Variants in CSMD1 observed in about 807,000 individuals in gnomAD.
CSMD1 encodes CUB and sushi domain-containing protein 1.
In CSMD1, 213 loss-of-function variants were observed where a neutral mutation model predicts 417.5. That is an observed-to-expected ratio of 0.51 (90% CI 0.46 to 0.57). CSMD1 has a LOEUF of 0.57. CSMD1 is among the 20% of genes least tolerant of loss of function. The probability of loss-of-function intolerance (pLI) is 0.00; values close to 1 mark genes in which losing one functional copy is unlikely to be tolerated. For missense variants in CSMD1, 6,923 were observed against 4,529.7 expected (o/e 1.53, Z -15.17); for synonymous variants, 2,862 against 1,736.8 (o/e 1.65, Z -16.11).
At chr8:3,325,298 G>C (rs973099008) in intron 23 of CSMD1, among the ~76,000 whole-genome samples, 1 of 152,166 alleles carries the variant, frequency 6.6e-6, no homozygotes, top group Non-Finnish European at 1.5e-5. Flanking sequence ...ATTACCCCTA[G>C]AGAAGAATGG....
rs73501587 is a variant in CSMD1, at chr8:3,506,743, C to T, written c.1345-13017G>A. ...CAATGATTGACTGTATAGGAGATTT[C>T]GAGATAATTCAACAAGGTTGCTCAT... On this transcript the variant is annotated intron_variant, in intron 10 of 69. Coordinates refer to ENST00000635120, the MANE Select transcript of CSMD1 (RefSeq NM_033225.6). 4.2e-3 allele frequency among the ~76,000 whole-genome samples: 633 copies of T among 152,264 alleles called. 4 individuals are homozygous for T. Among genetic ancestry groups the T allele is most frequent in the African/African-American group, 0.015 (614 of 41,550 alleles).
chr8:3,246,195 C>T (rs1016480315), intron 26 of CSMD1, among the ~76,000 whole-genome samples: 2 of 152,072 alleles, frequency 1.3e-5, no homozygotes, highest in South Asian at 2.1e-4. Flanking sequence ...CTGCTGGTCC[C>T]GTGGGATCAG....
intron 2 of CSMD1, among the ~76,000 whole-genome samples, chr8:4,485,016 A>G (rs975178818): frequency 4.6e-5 from 6 of 130,872 alleles, no homozygotes; most frequent in Admixed American, 8.1e-5. Context: ...AAAAAAAAAA[A>G]AAAAGAAAGA....
intron 1 of CSMD1, among the ~76,000 whole-genome samples, chr8:4,921,205 T>G (rs1806476585): frequency 2.0e-5 from 3 of 152,154 alleles, no homozygotes; most frequent in African/African-American, 7.2e-5. Flanking sequence ...AGTGACTTGT[T>G]AGCTCCCTCT....
intron 26 of CSMD1, among the ~76,000 whole-genome samples, chr8:3,247,516 C>A (rs17319617): frequency 0.17 from 25,803 of 152,170 alleles, 2,525 homozygotes; most frequent in Admixed American, 0.21. Flanking sequence ...TCCAACCCTA[C>A]GAGGCAAGCT....
intron 3 of CSMD1, among the ~76,000 whole-genome samples, chr8:4,334,199 G>A (rs1321610778): frequency 6.6e-6 from 1 of 152,110 alleles, no homozygotes; most frequent in Non-Finnish European, 1.5e-5. Context: ...GAGCCACCAT[G>A]CCTGGCCCTT....
intron 49 of CSMD1, among the ~76,000 whole-genome samples, chr8:3,057,105 T>A (rs1014599979): frequency 6.6e-6 from 1 of 152,116 alleles, no homozygotes; most frequent in African/African-American, 2.4e-5. Context: ...TCCACAAATA[T>A]AAGCCATATA....
chr8:4,463,559 T>C (rs1234125043), intron 2 of CSMD1, among the ~76,000 whole-genome samples: 2 of 152,066 alleles, frequency 1.3e-5, no homozygotes, highest in East Asian at 1.9e-4. Context: ...TCATATTAAA[T>C]AGGATCCAGA....
chr8:3,897,835 G>C (rs529927824), intron 5 of CSMD1, among the ~76,000 whole-genome samples: 178 of 152,252 alleles, frequency 1.2e-3, no homozygotes, highest in African/African-American at 4.0e-3. Context: ...TTTCTCATTA[G>C]CCTGAGGATA....
At chr8:4,239,903 T>C (rs1215923220) in intron 3 of CSMD1, among the ~76,000 whole-genome samples, 1 of 152,210 alleles carries the variant, frequency 6.6e-6, no homozygotes, top group African/African-American at 2.4e-5. Context: ...GCAATTTGCA[T>C]AAGTAAAATA....
intron 2 of CSMD1, among the ~76,000 whole-genome samples, chr8:4,436,041 A>G (rs182095301): frequency 1.4e-4 from 21 of 152,326 alleles, no homozygotes; most frequent in East Asian, 7.7e-4. Flanking sequence ...ATAAGACCCA[A>G]TCAAGATCAT....
chr8:4,509,034 G>C (rs1802682564), intron 2 of CSMD1, among the ~76,000 whole-genome samples: 1 of 152,008 alleles, frequency 6.6e-6, no homozygotes, highest in Non-Finnish European at 1.5e-5. Flanking sequence ...TGAGAAGCAG[G>C]AATTCCAGAA....
chr8:3,911,549 G>A (rs889858475), intron 5 of CSMD1, among the ~76,000 whole-genome samples: 6 of 129,668 alleles, frequency 4.6e-5, no homozygotes, highest in Non-Finnish European at 8.2e-5. Flanking sequence ...AAAAAAAAAA[G>A]AAGAAGAAGA....
chr8:3,639,305 T>A (rs1176007570), intron 7 of CSMD1, among the ~76,000 whole-genome samples: 2 of 152,198 alleles, frequency 1.3e-5, no homozygotes, highest in Non-Finnish European at 2.9e-5. Flanking sequence ...TATTTTTGCT[T>A]GGGGTGTTGT....
intron 1 of CSMD1, among the ~76,000 whole-genome samples, chr8:4,739,032 T>C (rs1323480722): frequency 6.6e-6 from 1 of 151,992 alleles, no homozygotes; most frequent in Non-Finnish European, 1.5e-5. Context: ...GTTAAAGGAA[T>C]GTAGTGTGAG....
chr8:4,454,795 A>G (rs1219988815), intron 2 of CSMD1, among the ~76,000 whole-genome samples: 1 of 152,360 alleles, frequency 6.6e-6, no homozygotes, highest in Non-Finnish European at 1.5e-5. Flanking sequence ...TTAAGCTACA[A>G]CTAGAAGTGA....
chr8:3,473,974 G>A (rs1052299120), intron 11 of CSMD1, among the ~76,000 whole-genome samples: 1 of 152,104 alleles, frequency 6.6e-6, no homozygotes, highest in African/African-American at 2.4e-5. Flanking sequence ...AAAACCATCA[G>A]ATCTAGTAAA....
intron 3 of CSMD1, among the ~76,000 whole-genome samples, chr8:4,349,716 G>C (rs903949497): frequency 2.0e-5 from 3 of 151,682 alleles, no homozygotes; most frequent in Non-Finnish European, 4.4e-5. Flanking sequence ...ACAATCATCA[G>C]TTACAAGATC....
intron 5 of CSMD1, among the ~76,000 whole-genome samples, chr8:3,873,412 A>G (rs1210353717): frequency 1.3e-5 from 2 of 152,168 alleles, no homozygotes; most frequent in Admixed American, 6.6e-5. Flanking sequence ...AGGCACATGG[A>G]TGGAACTGGA....
Sources: allele counts gnomAD v4.1 joint callset (sites outside exome capture counted in the v4.1 genomes callset), GRCh38; gene constraint gnomAD v4.1.1; transcripts MANE v1.5; gene names NCBI Gene and HGNC (gene_info 2026-07-23, HGNC 2026-07-21).